Variants in AGAP1 observed in about 807,000 individuals in gnomAD.
AGAP1 encodes the protein ArfGAP with GTPase domain, ankyrin repeat and PH domain 1.
AGAP1 carries 29 observed loss-of-function variants against 105.3 expected under a neutral mutation model. The observed-to-expected ratio is 0.28, with a 90% CI of 0.21 to 0.38. The LOEUF is 0.38. AGAP1 is among the 10% of genes least tolerant of loss of function. The pLI is 1.00. For synonymous variants in AGAP1, 509 were observed against 485.9 expected, an observed-to-expected ratio of 1.05 and a Z score of -0.63; for missense variants, 998 against 1,165.1, an observed-to-expected ratio of 0.86 and a Z score of 2.09.
intron 9 of AGAP1, among the ~76,000 whole-genome samples, chr2:235,819,629 G>A (rs1958667189): frequency 6.6e-6 from 1 of 152,114 alleles, no homozygotes; most frequent in Non-Finnish European, 1.5e-5. Context: ...TTCTGTTCCA[G>A]GTAAACCAAT....
chr2:236,063,677 GACTGGGTC>G (rs2058267252), intron 16 of AGAP1, among the ~76,000 whole-genome samples: 1 of 152,208 alleles, frequency 6.6e-6, no homozygotes, highest in Non-Finnish European at 1.5e-5. Flanking sequence ...TTGGCTTTGT[GACTGGGTC>G]ACTGGGCTTT....
intron 3 of AGAP1, among the ~76,000 whole-genome samples, chr2:235,730,900 G>T (rs1165804123): frequency 6.6e-6 from 1 of 152,070 alleles, no homozygotes; most frequent in Non-Finnish European, 1.5e-5. Context: ...CTTCAGAGTG[G>T]TGATTGAAAA....
At chr2:235,545,562 CAG>C (rs1469340050) in intron 1 of AGAP1, among the ~76,000 whole-genome samples, 2 of 152,204 alleles carry the variant, frequency 1.3e-5, no homozygotes, top group Non-Finnish European at 2.9e-5. Flanking sequence ...TGCTGTTTCC[CAG>C]AGTCATTTGC....
chr2:235,831,896 C>G (rs536228284), intron 9 of AGAP1, among the ~76,000 whole-genome samples: 53 of 152,320 alleles, frequency 3.5e-4, no homozygotes, highest in African/African-American at 1.2e-3. Flanking sequence ...AAACAGTCTT[C>G]CAGAGTAGCT....
At chr2:235,575,256 A>C (rs1228882098) in intron 1 of AGAP1, among the ~76,000 whole-genome samples, 1 of 152,206 alleles carries the variant, frequency 6.6e-6, no homozygotes, top group Non-Finnish European at 1.5e-5. Flanking sequence ...TGTTTCCAAA[A>C]TTCCTAAATT....
At chr2:236,086,307 ACT>A (rs1434301191) in intron 16 of AGAP1, among the ~76,000 whole-genome samples, 9 of 152,220 alleles carry the variant, frequency 5.9e-5, no homozygotes, top group South Asian at 2.1e-4. Context: ...GCGAGACATA[ACT>A]CTCTGTCTTC....
intron 1 of AGAP1, among the ~76,000 whole-genome samples, chr2:235,598,131 G>T (rs557608923): frequency 6.6e-6 from 1 of 152,218 alleles, no homozygotes; most frequent in South Asian, 2.1e-4. Context: ...TTTCCTTTGG[G>T]TCTTCCGGTT....
Position 236,036,660 on chromosome 2 carries a change from C to T in AGAP1, c.1745C>T (p.Ala582Val). Residue 582 changes from alanine (A) to valine (V), a missense_variant, in exon 14 of 18, where the codon GCC becomes GTC. Transcript: ENST00000304032. The surrounding 1 kb of genome is among the most constrained non-coding windows in gnomAD (Gnocchi z 5.7). The part of the protein sequence containing the change: ...TYEERDAWVQ[A>V]IESQILASLQ... ...GAGGAGCGGGACGCCTGGGTCCAAG[C>T]CATCGAGAGCCAGATCCTGGCCAGC... 2.5e-6 allele frequency: 4 copies of T among 1,614,238 alleles called. No homozygotes were observed. Among genetic ancestry groups the T allele is most frequent in the Non-Finnish European group, 3.4e-6 (4 of 1,180,052 alleles).
At position 235,879,074 on chromosome 2, in the gene AGAP1, G is replaced by A. The variant is rs1000143997; in HGVS notation, c.1051-4271G>A. On this transcript the variant is annotated intron_variant, in intron 9 of 17. Coordinates refer to ENST00000304032, the MANE Select transcript of AGAP1 (RefSeq NM_001037131.3). The surrounding 1 kb of genome is among the most constrained non-coding windows in gnomAD (Gnocchi z 5.0). ...TGGCAGCCCAGCAGCCCAGTGTCCT[G>A]GCAGGAGTGAAGACGGCAGGAGAGC... Among the ~76,000 whole-genome samples the A allele has an allele frequency of 6.6e-6, 1 of 152,356 alleles. No homozygotes were observed. Among genetic ancestry groups the A allele is most frequent in the African/African-American group, 2.4e-5 (1 of 41,580 alleles).
intron 9 of AGAP1, among the ~76,000 whole-genome samples, chr2:235,848,891 T>A (rs1435116913): frequency 6.6e-6 from 1 of 152,210 alleles, no homozygotes; most frequent in East Asian, 1.9e-4. Context: ...TTGTTGTTGC[T>A]CCTTCCTGCC....
At chr2:236,081,405 A>G (rs1182337116) in intron 16 of AGAP1, among the ~76,000 whole-genome samples, 3 of 152,204 alleles carry the variant, frequency 2.0e-5, no homozygotes, top group African/African-American at 2.4e-5. Flanking sequence ...ACCGCGCTGC[A>G]TTTGGACGGA....
At position 235,759,845 on chromosome 2, in the gene AGAP1, A is replaced by G. The variant is rs556036379; in HGVS notation, c.673+9357A>G. Among the ~76,000 whole-genome samples, 6 of 152,344 alleles carry G rather than the reference A, an allele frequency of 3.9e-5. No individual in the cohort carries two copies. The South Asian group carries it at 1.2e-3, about 32-fold the overall frequency. ...ACAACAGGGTTAAATTATAAACTGA[A>G]ATAGCAAATTAATACCAAAACTAAA... On this transcript the variant is annotated intron_variant, in intron 6 of 17. Transcript: ENST00000304032.
chr2:235,524,499 T>G (rs983808491), intron 1 of AGAP1: 2 of 345,878 alleles, frequency 5.8e-6, no homozygotes, highest in Admixed American at 3.6e-5. Context: ...TTGTCCTTGC[T>G]GTGAGAAGAC....
In AGAP1 at chr2:235,642,245, C is replaced by T. The variant is rs1057292618; in HGVS notation, c.164-66934C>T. The stretch of plus-strand genomic sequence containing the variant: ...TGCAATGGGATCTCTTTCCTGAGTG[C>T]GCATTTCTTTCCTCACATTTGGGGG... On this transcript the variant is annotated intron_variant, in intron 1 of 17. Transcript: ENST00000304032. The surrounding 1 kb of genome is among the most constrained non-coding windows in gnomAD (Gnocchi z 4.1). Among the ~76,000 whole-genome samples, 2 of 152,114 alleles carry T rather than the reference C, an allele frequency of 1.3e-5. No homozygotes were observed. Among genetic ancestry groups the T allele is most frequent in the African/African-American group, 4.8e-5 (2 of 41,432 alleles).
chr2:235,589,513 C>T (rs1945260133), intron 1 of AGAP1, among the ~76,000 whole-genome samples: 1 of 151,916 alleles, frequency 6.6e-6, no homozygotes, highest in Non-Finnish European at 1.5e-5. Context: ...GTGCTGGTCC[C>T]AGTTAATGGC....
chr2:236,107,579 G>A (rs908922034), intron 16 of AGAP1, among the ~76,000 whole-genome samples: 3 of 152,212 alleles, frequency 2.0e-5, no homozygotes, highest in African/African-American at 7.2e-5. Context: ...TGGCAGCAAA[G>A]CCACGAGTGC....
chr2:235,874,774 G>A lies in AGAP1; in HGVS notation c.1051-8571G>A, dbSNP rs967620307. ...ATGTATAGAACTCATTACAAAGATA[G>A]CATTACTCCTAGAACCAAGATACCA... On this transcript the variant is annotated intron_variant, in intron 9 of 17. Coordinates refer to ENST00000304032, the MANE Select transcript of AGAP1 (RefSeq NM_001037131.3). The surrounding 1 kb of genome is among the most constrained non-coding windows in gnomAD (Gnocchi z 4.5). Among the ~76,000 whole-genome samples, 4 of 152,184 alleles carry A rather than the reference G, an allele frequency of 2.6e-5. No homozygotes were observed. Among genetic ancestry groups the A allele is most frequent in the Non-Finnish European group, 4.4e-5 (3 of 68,028 alleles).
In AGAP1 at chr2:235,753,671, G is replaced by T. The variant is rs930333936; in HGVS notation, c.673+3183G>T. On this transcript the variant is annotated intron_variant, in intron 6 of 17. Coordinates refer to ENST00000304032, the MANE Select transcript of AGAP1 (RefSeq NM_001037131.3). This position sits in a 1 kb window ranked among gnomAD's most constrained non-coding sequence, Gnocchi z 4.5. Reference sequence around the variant, plus strand: ...CAGTCAGCTGAGATTGCACAATTGCGCTCCATCCTGGGTGACAGAGCGAGA... The same window carrying T: ...CAGTCAGCTGAGATTGCACAATTGCTCTCCATCCTGGGTGACAGAGCGAGA... Among the ~76,000 whole-genome samples, 1 of 150,758 alleles carries T rather than the reference G, an allele frequency of 6.6e-6. No homozygotes were observed. The highest frequency in any genetic ancestry group is 1.5e-5 in the Non-Finnish European group (1 of 67,858).
At chr2:235,942,300 G>A (rs892955685) in intron 12 of AGAP1, among the ~76,000 whole-genome samples, 11 of 152,118 alleles carry the variant, frequency 7.2e-5, no homozygotes, top group Non-Finnish European at 1.2e-4. Flanking sequence ...TTTGCATCTC[G>A]TTCTTTGGTT....
Sources: gnomAD v4.1 joint callset for allele counts (sites outside exome capture counted in the v4.1 genomes callset) on GRCh38, gnomAD v4.1.1 for gene constraint, Gnocchi (gnomAD v3.1) non-coding constraint, MANE v1.5 for transcripts, NCBI Gene and HGNC (gene_info 2026-07-23, HGNC 2026-07-21) for gene names.